UCHL3: variants seen among roughly 807,000 people sequenced by gnomAD.
UCHL3 encodes ubiquitin carboxyl-terminal hydrolase isozyme L3.
In UCHL3, 22 loss-of-function variants were observed where a neutral mutation model predicts 35.8. The observed-to-expected ratio is 0.61, with a 90% CI of 0.44 to 0.88. The LOEUF (loss-of-function observed/expected upper bound fraction) is 0.88. UCHL3 is among the 40% of genes least tolerant of loss of function. UCHL3 has a pLI of 0.00. For missense variants in UCHL3, 229 were observed against 276.9 expected, an observed-to-expected ratio of 0.83 and a Z score of 1.23; for synonymous variants, 90 against 92.8, an observed-to-expected ratio of 0.97 and a Z score of 0.17.
chr13:75,572,685 G>A (rs2031899112), intron 6 of UCHL3, among the ~76,000 whole-genome samples: 1 of 152,132 alleles, frequency 6.6e-6, no homozygotes, highest in Non-Finnish European at 1.5e-5. Context: ...GGGGGTTAGG[G>A]GTGGCAAATC....
chr13:75,588,364 T>G (rs767830923), intron 6 of UCHL3, among the ~76,000 whole-genome samples: 1 of 152,136 alleles, frequency 6.6e-6, no homozygotes, highest in Non-Finnish European at 1.5e-5. Flanking sequence ...TTATTTCCCC[T>G]TTTTATTCAT....
At chr13:75,600,461 C>T (rs1236849655) in intron 7 of UCHL3, among the ~76,000 whole-genome samples, 1 of 152,090 alleles carries the variant, frequency 6.6e-6, no homozygotes, top group East Asian at 1.9e-4. Flanking sequence ...CAGTTGAAGC[C>T]AATGATCATT....
intron 3 of UCHL3, among the ~76,000 whole-genome samples, chr13:75,562,674 CTTTCA>C (rs1364493422): frequency 6.6e-6 from 1 of 151,988 alleles, no homozygotes; most frequent in East Asian, 1.9e-4. Flanking sequence ...GATTTGATCT[CTTTCA>C]TTTAGTGAGT....
At chr13:75,580,436 A>G (rs1457487624) in intron 6 of UCHL3, among the ~76,000 whole-genome samples, 2 of 152,220 alleles carry the variant, frequency 1.3e-5, no homozygotes, top group African/African-American at 4.8e-5. Context: ...ACATGTCCTT[A>G]CACATATGTG....
intron 2 of UCHL3, among the ~76,000 whole-genome samples, chr13:75,553,366 A>G (rs1333350920): frequency 6.6e-6 from 1 of 152,196 alleles, no homozygotes; most frequent in East Asian, 1.9e-4. Context: ...TGTCAAGTTC[A>G]CTAATGATTG....
Position 75,569,486 on chromosome 13 carries a change from T to G in UCHL3, c.453T>G (p.Ser151Arg). 6.2e-7 allele frequency: 1 copy of G among 1,610,936 alleles called. No homozygotes were observed. Among genetic ancestry groups the G allele is most frequent in the African/African-American group, 1.3e-5 (1 of 74,942 alleles). ...YDAIRVTHETSAHEGQTEAPS... is the reference protein window; with the variant it reads ...YDAIRVTHETRAHEGQTEAPS... ...CCATCCGAGTTACTCATGAGACCAGTGCCCATGAAGGTCAGACTGAGGTAT... is the reference window on the plus strand; with the variant it reads ...CCATCCGAGTTACTCATGAGACCAGGGCCCATGAAGGTCAGACTGAGGTAT... The change falls in exon 6 of 9, where the codon AGT (serine) becomes AGG (arginine). Residue 151 changes from serine to arginine, a missense_variant. Transcript: ENST00000377595.
At chr13:75,562,204 T>C (rs2031541035) in intron 3 of UCHL3, among the ~76,000 whole-genome samples, 1 of 152,116 alleles carries the variant, frequency 6.6e-6, no homozygotes, top group Non-Finnish European at 1.5e-5. Context: ...TTAGCCTCAA[T>C]TCAAGATAAA....
intron 6 of UCHL3, among the ~76,000 whole-genome samples, chr13:75,577,437 A>G (rs1417165941): frequency 6.6e-6 from 1 of 152,250 alleles, no homozygotes; most frequent in Non-Finnish European, 1.5e-5. Context: ...TACATAGGTT[A>G]TATGCAAATA....
chr13:75,560,203 C>T (rs905266805), intron 2 of UCHL3, among the ~76,000 whole-genome samples: 2 of 152,124 alleles, frequency 1.3e-5, no homozygotes, highest in Admixed American at 6.5e-5. Context: ...CCTCAGACAT[C>T]ATTTTTGGTA....
chr13:75,589,845 T>C (rs2032427694), intron 6 of UCHL3: 1 of 988,242 alleles, frequency 1.0e-6, no homozygotes, highest in South Asian at 1.7e-5. Context: ...GTAGACCATA[T>C]GAATTACAAG....
At chr13:75,568,111 C>T (rs947288229) in intron 5 of UCHL3, among the ~76,000 whole-genome samples, 1 of 151,962 alleles carries the variant, frequency 6.6e-6, no homozygotes, top group Non-Finnish European at 1.5e-5. Flanking sequence ...GTGATTTTAC[C>T]ACTTCATATA....
At chr13:75,592,229 G>GAT (rs1243844820) in intron 6 of UCHL3, among the ~76,000 whole-genome samples, 9 of 150,050 alleles carry the variant, frequency 6.0e-5, no homozygotes, top group South Asian at 2.1e-4. Flanking sequence ...CTAAATTAGG[G>GAT]ATATATATAT....
At chr13:75,592,446 A>ATACATATATATATATATGTGTATATATG (rs36133915) in intron 6 of UCHL3, among the ~76,000 whole-genome samples, 1 of 71,072 alleles carries the variant, frequency 1.4e-5, no homozygotes, top group Non-Finnish European at 3.2e-5. Flanking sequence ...ATATATATAT[A>ATACATATATATATATATGTGTATATATG]TATATATATA....
chr13:75,567,990 A>G (rs2031737911), intron 5 of UCHL3, among the ~76,000 whole-genome samples: 2 of 152,222 alleles, frequency 1.3e-5, no homozygotes, highest in Non-Finnish European at 2.9e-5. Flanking sequence ...AGGAGAAAGC[A>G]AAGGTTTAAA....
At chr13:75,557,981 C>T (rs1267603119) in intron 2 of UCHL3, among the ~76,000 whole-genome samples, 14 of 141,346 alleles carry the variant, frequency 9.9e-5, no homozygotes, top group African/African-American at 3.4e-4. Flanking sequence ...TTTTTGAAGA[C>T]GTGAGTGGTA....
intron 7 of UCHL3, among the ~76,000 whole-genome samples, chr13:75,600,539 G>A (rs887384777): frequency 2.6e-5 from 4 of 152,152 alleles, no homozygotes; most frequent in African/African-American, 9.7e-5. Flanking sequence ...TTCTATAAAT[G>A]GAACAACAGA....
chr13:75,582,094 T>C (rs931847761), intron 6 of UCHL3, among the ~76,000 whole-genome samples: 2 of 144,808 alleles, frequency 1.4e-5, no homozygotes, highest in African/African-American at 5.1e-5. Flanking sequence ...TATGTGGCTT[T>C]GGGCAAGTCA....
intron 2 of UCHL3, among the ~76,000 whole-genome samples, chr13:75,553,010 G>A (rs1359521678): frequency 1.3e-5 from 2 of 152,118 alleles, no homozygotes; most frequent in African/African-American, 4.8e-5. Flanking sequence ...GCGTAATACC[G>A]AAAGGGAAAT....
At chr13:75,570,536 G>A (rs2031823412) in intron 6 of UCHL3, among the ~76,000 whole-genome samples, 2 of 152,202 alleles carry the variant, frequency 1.3e-5, no homozygotes, top group Non-Finnish European at 2.9e-5. Flanking sequence ...TCGCCCAGCC[G>A]AAACCACACT....
Sources: allele counts gnomAD v4.1 joint callset (sites outside exome capture counted in the v4.1 genomes callset), GRCh38; gene constraint gnomAD v4.1.1; transcripts MANE v1.5; gene names NCBI Gene and HGNC (gene_info 2026-07-23, HGNC 2026-07-21).